Variants in LRP1B observed in about 807,000 individuals in gnomAD.
LRP1B encodes low-density lipoprotein receptor-related protein 1B.
Under a neutral mutation model 556.6 loss-of-function variants are expected in LRP1B, and 217 were observed. The ratio of observed to expected loss-of-function variants is 0.39; its 90% confidence interval spans 0.35 to 0.44. The LOEUF (loss-of-function observed/expected upper bound fraction) is 0.44, where lower values mean the gene tolerates loss of function less well. Ranked by LOEUF, LRP1B falls within the 20% of genes least tolerant of loss-of-function variation. The pLI, the probability that LRP1B is intolerant of heterozygous loss-of-function variation, is 1.00. For synonymous variants in LRP1B, 2,047 were observed against 1,865.8 expected, an observed-to-expected ratio of 1.10 and a Z score of -2.50; for missense variants, 5,053 against 5,620.8, an observed-to-expected ratio of 0.90 and a Z score of 3.23.
intron 11 of LRP1B, among the ~76,000 whole-genome samples, chr2:141,036,437 T>G (rs1317342357): frequency 6.6e-6 from 1 of 152,022 alleles, no homozygotes; most frequent in African/African-American, 2.4e-5. Context: ...GACTCTTCTC[T>G]GATACAAAGG....
chr2:141,262,785 A>G (rs1335161660), intron 3 of LRP1B, among the ~76,000 whole-genome samples: 1 of 152,092 alleles, frequency 6.6e-6, no homozygotes, highest in Non-Finnish European at 1.5e-5. Context: ...TCCTTTCTAT[A>G]AATTATGCTA....
chr2:141,161,705 A>G (rs1680040847), intron 7 of LRP1B, among the ~76,000 whole-genome samples: 2 of 152,128 alleles, frequency 1.3e-5, no homozygotes, highest in African/African-American at 4.8e-5. Context: ...CAGAATAATA[A>G]AGATAATGCT....
chr2:140,913,841 T>A (rs1694495356), intron 21 of LRP1B, among the ~76,000 whole-genome samples: 1 of 152,096 alleles, frequency 6.6e-6, no homozygotes, highest in Non-Finnish European at 1.5e-5. Flanking sequence ...AAGTTTAATG[T>A]GTGATTTTTG....
At position 140,780,620 on chromosome 2, in the gene LRP1B, A is replaced by C. The variant is rs143403387; in HGVS notation, c.5360-4382T>G. 4.1e-3 allele frequency among the ~76,000 whole-genome samples: 622 copies of C among 152,288 alleles called. 10 individuals are homozygous for C. The highest frequency in any genetic ancestry group is 0.014 in the African/African-American group (570 of 41,562). ...GTCTTGAGCAGAAACTACACACATT[A>C]AAGCTAAAGAGAGCCGTGGGGGTAG... On this transcript the variant is annotated intron_variant, in intron 32 of 90. Coordinates refer to ENST00000389484, the MANE Select transcript of LRP1B (RefSeq NM_018557.3).
At chr2:141,066,178 TTTAA>T (rs1275453807) in intron 7 of LRP1B, among the ~76,000 whole-genome samples, 1 of 151,972 alleles carries the variant, frequency 6.6e-6, no homozygotes, top group Non-Finnish European at 1.5e-5. Flanking sequence ...CTTTCAAATT[TTTAA>T]TTATTCATCC....
chr2:141,318,764 C>G (rs568275748), intron 3 of LRP1B, among the ~76,000 whole-genome samples: 1 of 152,186 alleles, frequency 6.6e-6, no homozygotes, highest in African/African-American at 2.4e-5. Context: ...GTCTCACCAT[C>G]TTTATCTGCT....
chr2:141,147,556 G>T (rs1574124870), intron 7 of LRP1B, among the ~76,000 whole-genome samples: 1 of 152,064 alleles, frequency 6.6e-6, no homozygotes, highest in East Asian at 1.9e-4. Flanking sequence ...TTAATGTCAG[G>T]CACTCCTGCT....
At chr2:141,877,344 G>A (rs1249031830) in intron 1 of LRP1B, among the ~76,000 whole-genome samples, 1 of 151,902 alleles carries the variant, frequency 6.6e-6, no homozygotes, top group Non-Finnish European at 1.5e-5. Context: ...AGTCTAGCAA[G>A]GGATTTCATT....
At chr2:141,704,631 C>G (rs1352527244) in intron 2 of LRP1B, among the ~76,000 whole-genome samples, 2 of 151,880 alleles carry the variant, frequency 1.3e-5, no homozygotes, top group Non-Finnish European at 2.9e-5. Context: ...TGTACTTTAT[C>G]TCCCTTGTTA....
At chr2:140,262,720 T>C (rs1440857239) in intron 86 of LRP1B, among the ~76,000 whole-genome samples, 2 of 150,766 alleles carry the variant, frequency 1.3e-5, no homozygotes, top group Admixed American at 1.3e-4. Context: ...AGGGGGGGAG[T>C]CCCTGACCTC....
Position 140,702,221 on chromosome 2 carries a change from A to G in LRP1B, c.6222T>C (p.Asn2074=), listed in dbSNP as rs753710429. The G allele has an allele frequency of 6.2e-7, 1 of 1,613,564 alleles. No homozygotes were observed. The highest frequency in any genetic ancestry group is 1.1e-5 in the South Asian group (1 of 91,080). ...TGCTTCCTGACAGCACCATCTCGCG[A>G]TTCCCTCCAGTCTCAAGGTCGATTC... is the stretch of plus-strand genomic sequence containing the variant. ...IERIDLETGG[N]REMVLSGSNV... Residue 2074 remains asparagine (N), a synonymous_variant, in exon 39 of 91, where the codon AAT becomes AAC. Transcript: ENST00000389484.
At chr2:140,946,083 T>G (rs1456791430) in intron 20 of LRP1B, among the ~76,000 whole-genome samples, 1 of 151,986 alleles carries the variant, frequency 6.6e-6, no homozygotes, top group East Asian at 1.9e-4. Flanking sequence ...GACATGCAAG[T>G]GGCCAGGAAA....
intron 1 of LRP1B, among the ~76,000 whole-genome samples, chr2:141,852,955 T>C (rs763758172): frequency 5.9e-5 from 9 of 151,360 alleles, no homozygotes; most frequent in Non-Finnish European, 8.9e-5. Context: ...ATCATTATCA[T>C]ATGGTGCATC....
In LRP1B at chr2:141,138,052, G is replaced by C. The variant is rs185978400; in HGVS notation, c.1013+50369C>G. ...CCAAGATTTCGAACTAAAATTTAAC[G>C]AATTAAATCCTATGATATATTAAAA... On this transcript the variant is annotated intron_variant, in intron 7 of 90. Coordinates refer to ENST00000389484, the MANE Select transcript of LRP1B (RefSeq NM_018557.3). 6.7e-3 allele frequency among the ~76,000 whole-genome samples: 1,023 copies of C among 151,882 alleles called. 3 individuals carry two copies. The highest frequency in any genetic ancestry group is 0.012 in the Non-Finnish European group (835 of 67,874).
At chr2:141,580,189 A>G (rs953944362) in intron 2 of LRP1B, among the ~76,000 whole-genome samples, 1 of 152,212 alleles carries the variant, frequency 6.6e-6, no homozygotes, top group African/African-American at 2.4e-5. Context: ...TTAGATCTAC[A>G]AAATGAGTCT....
chr2:141,544,068 T>C (rs970610655), intron 2 of LRP1B, among the ~76,000 whole-genome samples: 1 of 152,266 alleles, frequency 6.6e-6, no homozygotes, highest in African/African-American at 2.4e-5. Context: ...CAGAGCATTG[T>C]TAATTTTTTC....
chr2:141,719,060 C>A (rs934783212), intron 2 of LRP1B, among the ~76,000 whole-genome samples: 2 of 152,040 alleles, frequency 1.3e-5, no homozygotes, highest in African/African-American at 2.4e-5. Context: ...CTTTCCCCCC[C>A]ACCAAGATTT....
chr2:141,564,158 T>G (rs1029741822), intron 2 of LRP1B, among the ~76,000 whole-genome samples: 5 of 152,114 alleles, frequency 3.3e-5, no homozygotes, highest in African/African-American at 1.2e-4. Flanking sequence ...GACTTATTTG[T>G]GTTAACAGTT....
chr2:140,256,235 C>T (rs1681671123), intron 86 of LRP1B, among the ~76,000 whole-genome samples: 1 of 151,858 alleles, frequency 6.6e-6, no homozygotes, highest in Non-Finnish European at 1.5e-5. Context: ...GGCTCCTCTC[C>T]TTACAAAGAT....
Sources: gnomAD v4.1 joint callset for allele counts (sites outside exome capture counted in the v4.1 genomes callset) on GRCh38, gnomAD v4.1.1 for gene constraint, MANE v1.5 for transcripts, NCBI Gene and HGNC (gene_info 2026-07-23, HGNC 2026-07-21) for gene names.